The following L3MBTL2 variants were observed in gnomAD, a reference collection of about 807,000 sequenced individuals.
L3MBTL2 encodes L3MBTL histone methyl-lysine binding protein 2.
A neutral mutation model predicts 86.4 loss-of-function variants in L3MBTL2; 49 were observed. That is an observed-to-expected ratio of 0.57 (90% CI 0.45 to 0.72). The LOEUF (loss-of-function observed/expected upper bound fraction) is 0.72. L3MBTL2 is among the 30% of genes least tolerant of loss of function. The pLI, the probability that L3MBTL2 is intolerant of heterozygous loss-of-function variation, is 0.00. For missense variants in L3MBTL2, 755 were observed against 923.7 expected, an observed-to-expected ratio of 0.82 and a Z score of 2.37; for synonymous variants, 336 against 350.6, an observed-to-expected ratio of 0.96 and a Z score of 0.47.
chr22:41,210,063 C>G, intron 2 of L3MBTL2, 130 bp downstream of exon 2: 1 of 1,288,208 alleles, frequency 7.8e-7, no homozygotes, highest in Non-Finnish European at 1.0e-6. Flanking sequence ...TCTAAGGGAT[C>G]AGATGTGTAA....
rs776645863 is a variant in L3MBTL2 at position 41,227,199 on chromosome 22, C to T, written c.1698C>T (p.Leu566=). The T allele has an allele frequency of 6.2e-7, 1 of 1,613,674 alleles. No homozygotes were observed. The highest frequency in any genetic ancestry group is 8.5e-7 in the Non-Finnish European group (1 of 1,180,012). ...ATVKRVVHRL[L]SIHFDGWDSE... is the part of the protein sequence containing the mutation. ...TGAAACGAGTGGTGCATCGGCTCCT[C>T]AGCATCCACTTTGACGGCTGGGACA... Residue 566 remains leucine (L), a synonymous_variant, in exon 14 of 17, where the codon CTC becomes CTT. Coordinates refer to ENST00000216237, the MANE Select transcript of L3MBTL2 (RefSeq NM_031488.5). The surrounding 1 kb of genome is among the most constrained non-coding windows in gnomAD (Gnocchi z 6.0).
intron 2 of L3MBTL2, 23 bp from the exon 3 acceptor site, chr22:41,213,870 C>A: frequency 1.2e-6 from 2 of 1,613,602 alleles, no homozygotes; most frequent in South Asian, 2.2e-5. Flanking sequence ...TCGGGTGAGT[C>A]ATGTGCTAAG....
intron 3 of L3MBTL2, chr22:41,214,617 CAG>C (rs2031185716): frequency 6.6e-6 from 1 of 152,214 alleles, no homozygotes; most frequent in South Asian, 2.1e-4. Context: ...AACCTCATCT[CAG>C]GGGCCTCATC....
intron 8 of L3MBTL2, 55 bp downstream of exon 8, chr22:41,221,342 A>G (rs1428216959): frequency 5.0e-6 from 7 of 1,410,242 alleles, no homozygotes; most frequent in Middle Eastern, 1.7e-4. Flanking sequence ...ATTTTTCTGC[A>G]TCCTGCATGC....
At chr22:41,210,143 C>CTTTTTTTTTTT (rs869292228) in intron 2 of L3MBTL2, 2 of 157,902 alleles carry the variant, frequency 1.3e-5, no homozygotes, top group African/African-American at 3.5e-5. Flanking sequence ...AGTCTAATTT[C>CTTTTTTTTTTT]TTTTTTTTTT....
chr22:41,224,999 T>G lies in L3MBTL2; in HGVS notation c.1284T>G (p.Phe428Leu), dbSNP rs760514456. Residue 428 changes from phenylalanine (F) to leucine (L), a missense_variant, in exon 11 of 17, where the codon TTT becomes TTG. Transcript: ENST00000216237. The surrounding 1 kb of genome is among the most constrained non-coding windows in gnomAD (Gnocchi z 4.9). ...CAGTCTACACAGAAGGCGGTTGGTT[T>G]GAGGAAGGGATGAAGCTGGAGGCCA... ...VRAVYTEGGWFEEGMKLEAID... is the reference protein window; with the variant it reads ...VRAVYTEGGWLEEGMKLEAID... 10 of 1,613,924 alleles carry G rather than the reference T, an allele frequency of 6.2e-6. No individual in the cohort carries two copies. Among genetic ancestry groups the G allele is most frequent in the Non-Finnish European group, 8.5e-6 (10 of 1,179,938 alleles).
At chr22:41,230,107 C>T (rs200068641) in intron 16 of L3MBTL2, 32 bp from the exon 17 acceptor site, 10 of 417,114 alleles carry the variant, frequency 2.4e-5, no homozygotes, top group Middle Eastern at 3.8e-4. Flanking sequence ...GTTATTTACT[C>T]GCCCACCCAC....
chr22:41,214,616 T>G (rs1469477801), intron 3 of L3MBTL2: 1 of 152,214 alleles, frequency 6.6e-6, no homozygotes, highest in Non-Finnish European at 1.5e-5. Flanking sequence ...GAACCTCATC[T>G]CAGGGGCCTC....
chr22:41,229,872 C>T (rs2032464694), intron 16 of L3MBTL2: 4 of 776,836 alleles, frequency 5.1e-6, no homozygotes, highest in Non-Finnish European at 8.8e-6. Flanking sequence ...GCCCCGGCCC[C>T]TCCTCCTCCT....
In L3MBTL2 at chr22:41,227,028, G is replaced by A. The variant is rs925742211; in HGVS notation, c.1588-61G>A. On this transcript the variant is annotated intron_variant, in intron 13 of 16. Transcript: ENST00000216237. The surrounding 1 kb of genome is among the most constrained non-coding windows in gnomAD (Gnocchi z 6.0). Reference sequence around the variant, plus strand: ...AGTTCTTCAAGTGCCTCCGGGCCGGGGCAAGCCTGCTGGGGTAGGGAGCTG... The same window carrying A: ...AGTTCTTCAAGTGCCTCCGGGCCGGAGCAAGCCTGCTGGGGTAGGGAGCTG... 5 of 1,464,810 alleles carry A rather than the reference G, an allele frequency of 3.4e-6. No individual in the cohort carries two copies. In the African/African-American group the frequency reaches 7.0e-5, roughly 20 times the overall value. 90.7% of individuals were successfully genotyped at this position (1,464,810 alleles called of 1,614,324 possible). A position where few individuals can be genotyped will look rare whatever the true frequency, so the allele number is the denominator to read the frequency against.
chr22:41,219,018 G>C (rs2031612064), intron 5 of L3MBTL2: 1 of 176,194 alleles, frequency 5.7e-6, no homozygotes, highest in African/African-American at 2.4e-5. Context: ...CCACAGCCCA[G>C]GTTTGTATGA....
chr22:41,217,426 A>C, intron 5 of L3MBTL2: 1 of 532,658 alleles, frequency 1.9e-6, no homozygotes, highest in Admixed American at 3.3e-5. Flanking sequence ...GAAGCCCTTC[A>C]GTTTATTTAC....
intron 1 of L3MBTL2, chr22:41,208,379 C>T (rs1025954161): frequency 2.3e-6 from 1 of 431,122 alleles, no homozygotes; most frequent in Non-Finnish European, 4.6e-6. Context: ...ATCCACCTGC[C>T]TCAGCCTCCC....
intron 8 of L3MBTL2, among the ~76,000 whole-genome samples, chr22:41,222,846 G>A (rs560927113): frequency 1.5e-4 from 23 of 152,272 alleles, no homozygotes; most frequent in Admixed American, 5.9e-4. Context: ...GCTTGAAACC[G>A]GGAGGCCGAA....
intron 6 of L3MBTL2, 99 bp from the exon 7 acceptor site, chr22:41,220,635 G>A (rs1471994180): frequency 1.2e-5 from 16 of 1,349,774 alleles, no homozygotes; most frequent in East Asian, 2.4e-5. Flanking sequence ...TCCAGCCTGG[G>A]CGACAGAGCA....
chr22:41,211,454 C>T (rs1453323813), intron 2 of L3MBTL2, among the ~76,000 whole-genome samples: 1 of 152,038 alleles, frequency 6.6e-6, no homozygotes, highest in Non-Finnish European at 1.5e-5. Context: ...GATCCCCCAC[C>T]TCAGCCTCCC....
In L3MBTL2 at chr22:41,224,397, G is replaced by C; in HGVS notation, c.1174+146G>C. On this transcript the variant is annotated intron_variant, in intron 9 of 16. Transcript: ENST00000216237. The surrounding 1 kb of genome is among the most constrained non-coding windows in gnomAD (Gnocchi z 4.9). ...GATGATACTGAGCTCCAGAGAGCTT[G>C]AGTAACTTGACAAAAGTCACTCCAC... is the stretch of plus-strand genomic sequence containing the variant. 4.7e-6 allele frequency: 3 copies of C among 634,780 alleles called. No homozygotes were observed. Among genetic ancestry groups the C allele is most frequent in the South Asian group, 1.9e-5 (1 of 51,358 alleles). The allele number at this position is 634,780 out of a possible 1,614,324, so 39.3% of individuals were successfully genotyped here.
chr22:41,212,756 G>C (rs1383017033), intron 2 of L3MBTL2, among the ~76,000 whole-genome samples: 1 of 151,644 alleles, frequency 6.6e-6, no homozygotes, highest in African/African-American at 2.4e-5. Flanking sequence ...TTAGCCAGGC[G>C]TGGTGGCACA....
rs1177505145 is a variant in L3MBTL2 at position 41,220,948 on chromosome 22, A to G, written c.853+80A>G. 1.5e-5 allele frequency: 22 copies of G among 1,476,840 alleles called. No individual in the cohort carries two copies. In the Admixed American group the frequency reaches 4.1e-4, roughly 28 times the overall value. 91.5% of individuals were successfully genotyped at this position (1,476,840 alleles called of 1,614,324 possible). ...AGAGTCCTCTGCTTGTGTTAGGTAG[A>G]ATGGGAGTCCTCTGTCTTGTTAGAA... On this transcript the variant is annotated intron_variant, in intron 7 of 16. Transcript: ENST00000216237.
Sources: gnomAD v4.1 joint callset for allele counts (sites outside exome capture counted in the v4.1 genomes callset) on GRCh38, gnomAD v4.1.1 for gene constraint, Gnocchi (gnomAD v3.1) non-coding constraint, MANE v1.5 for transcripts, NCBI Gene and HGNC (gene_info 2026-07-23, HGNC 2026-07-21) for gene names.